Variants in PFKFB3 observed in about 807,000 individuals in gnomAD.
PFKFB3 encodes the protein 6-phosphofructo-2-kinase/fructose-2,6-bisphosphatase 3.
PFKFB3 carries 33 observed loss-of-function variants against 68.0 expected under a neutral mutation model. The observed-to-expected ratio is 0.49, with a 90% CI of 0.37 to 0.65. The LOEUF (loss-of-function observed/expected upper bound fraction) is 0.65, where lower values mean the gene tolerates loss of function less well. PFKFB3 is among the 30% of genes least tolerant of loss of function. The probability of loss-of-function intolerance (pLI) is 0.00; values close to 1 mark genes in which losing one functional copy is unlikely to be tolerated. For missense variants in PFKFB3, 586 were observed against 712.2 expected (o/e 0.82, Z 2.02); for synonymous variants, 315 against 288.2 (o/e 1.09, Z -0.94).
intron 10 of PFKFB3, 32 bp downstream of exon 10, chr10:6,221,777 C>T: frequency 1.4e-6 from 2 of 1,440,538 alleles, no homozygotes; most frequent in Non-Finnish European, 1.9e-6. Context: ...CTGACGGTCC[C>T]CAGCACACAT....
rs920183017 is a variant in PFKFB3 at position 6,203,120 on chromosome 10, C to G, written c.-141C>G. The G allele has an allele frequency of 6.7e-7, 1 of 1,481,552 alleles. No homozygotes were observed. Among genetic ancestry groups the G allele is most frequent in the Non-Finnish European group, 8.9e-7 (1 of 1,119,038 alleles). The allele number at this position is 1,481,552 out of a possible 1,614,324, so 91.8% of individuals were successfully genotyped here. On this transcript the variant is annotated 5_prime_UTR_variant, in exon 1 of 15. Coordinates refer to ENST00000379775, the MANE Select transcript of PFKFB3 (RefSeq NM_004566.4). ...CCGGAACTTAGCCCAAAGCACGTTT[C>G]CCCTGGCAGCGCAGGAAACGCCCGG... is the stretch of plus-strand genomic sequence containing the variant.
the PFKFB3 span, among the ~76,000 whole-genome samples, chr10:6,315,097 G>T: frequency 2.0e-5 from 3 of 152,168 alleles, no homozygotes; most frequent in Non-Finnish European, 2.9e-5. Context: ...CAGCCCACCT[G>T]CCCACCCCTA....
the PFKFB3 span, among the ~76,000 whole-genome samples, chr10:6,301,853 T>A: frequency 6.6e-6 from 1 of 152,220 alleles, no homozygotes; most frequent in Non-Finnish European, 1.5e-5. Flanking sequence ...ATTATTCCAG[T>A]GCAGAGAACT....
chr10:6,258,253 A>C (rs1846509966), downstream of PFKFB3, among the ~76,000 whole-genome samples: 2 of 152,200 alleles, frequency 1.3e-5, no homozygotes, highest in South Asian at 4.1e-4. Context: ...AACAGACCCA[A>C]CTCTTTATTG....
At chr10:6,152,900 C>T (rs1214225737) in intron 1 of PFKFB3, among the ~76,000 whole-genome samples, 1 of 151,906 alleles carries the variant, frequency 6.6e-6, no homozygotes, top group Non-Finnish European at 1.5e-5. Context: ...GAAGAAGAGG[C>T]TGGGCACGGT....
At chr10:6,292,317 C>G in the PFKFB3 span, among the ~76,000 whole-genome samples, 1 of 118,404 alleles carries the variant, frequency 8.4e-6, no homozygotes, top group Non-Finnish European at 1.7e-5. Flanking sequence ...CAGAGTCTCA[C>G]TCTGTCGCCC....
At position 6,154,400 on chromosome 10, in the gene PFKFB3, C is replaced by T. The variant is rs754541237; in HGVS notation, c.16+9387C>T. On this transcript the variant is annotated intron_variant, in intron 1 of 14. Coordinates refer to the PFKFB3 transcript ENST00000379789. This position sits in a 1 kb window ranked among gnomAD's most constrained non-coding sequence, Gnocchi z 4.6. Reference sequence around the variant, plus strand: ...AGCTGGGATTACAGGTGCATGCTACCGCGTCCAGCTAATTTTTTTGTATTT... The same window carrying T: ...AGCTGGGATTACAGGTGCATGCTACTGCGTCCAGCTAATTTTTTTGTATTT... Among the ~76,000 whole-genome samples the T allele has an allele frequency of 7.9e-5, 12 of 152,068 alleles. No individual in the cohort carries two copies. Among genetic ancestry groups the T allele is most frequent in the Non-Finnish European group, 1.5e-4 (10 of 68,004 alleles).
the PFKFB3 span, among the ~76,000 whole-genome samples, chr10:6,305,185 A>T: frequency 3.7e-3 from 372 of 99,388 alleles, no homozygotes; most frequent in Middle Eastern, 0.02. Context: ...AATATTAGGA[A>T]TTTTTTTTTT....
chr10:6,174,497 C>T (rs886364449), intron 1 of PFKFB3, among the ~76,000 whole-genome samples: 2 of 152,196 alleles, frequency 1.3e-5, no homozygotes, highest in African/African-American at 2.4e-5. Context: ...CCGGGCTGAC[C>T]TGGGCTTGGA....
rs1844543642 is a variant in PFKFB3, at chr10:6,215,891, TC to T, written c.300-231del. ...TTCTTAGCAGCTCCCCAGGAGTGGT[TC>T]CCGCGTGCAGCCCGGTTTGAGCACC... On this transcript the variant is annotated intron_variant, in intron 3 of 14. Coordinates refer to ENST00000379775, the MANE Select transcript of PFKFB3 (RefSeq NM_004566.4). The surrounding 1 kb of genome is among the most constrained non-coding windows in gnomAD (Gnocchi z 4.3). 6.6e-6 allele frequency among the ~76,000 whole-genome samples: 1 copy of T among 152,112 alleles called. No individual in the cohort carries two copies. Among genetic ancestry groups the T allele is most frequent in the African/African-American group, 2.4e-5 (1 of 41,436 alleles).
chr10:6,240,028 G>A (rs1201900878), downstream of PFKFB3, among the ~76,000 whole-genome samples: 3 of 152,086 alleles, frequency 2.0e-5, no homozygotes, highest in Non-Finnish European at 4.4e-5. Context: ...GAATGTTTTC[G>A]GATCCCCAAC....
intron 1 of PFKFB3, among the ~76,000 whole-genome samples, chr10:6,208,380 T>TTTTTTTTC (rs1843937705): frequency 7.2e-6 from 1 of 139,822 alleles, no homozygotes; most frequent in African/African-American, 3.0e-5. Flanking sequence ...CCTTTTTTTT[T>TTTTTTTTC]TTTTTTTTTT....
chr10:6,186,856 A>G (rs990589519), intron 1 of PFKFB3, among the ~76,000 whole-genome samples: 2 of 152,098 alleles, frequency 1.3e-5, no homozygotes, highest in Non-Finnish European at 2.9e-5. Context: ...TTGAAAAAGT[A>G]TGTTATAGGA....
chr10:6,201,734 C>T (rs1843366629), upstream of PFKFB3, among the ~76,000 whole-genome samples: 1 of 152,152 alleles, frequency 6.6e-6, no homozygotes, highest in Non-Finnish European at 1.5e-5. The surrounding 1 kb of genome is among the most constrained non-coding windows in gnomAD (Gnocchi z 4.1). Flanking sequence ...ACAGCCCAGC[C>T]TCAGCGCTAA....
the PFKFB3 span, among the ~76,000 whole-genome samples, chr10:6,278,499 ACTC>A: frequency 7.1e-6 from 1 of 140,684 alleles, no homozygotes; most frequent in East Asian, 2.2e-4. Context: ...CTGGTCTTGA[ACTC>A]CTGACCTCAT....
chr10:6,187,949 T>TTCTA (rs36144362), intron 1 of PFKFB3, among the ~76,000 whole-genome samples: 23,560 of 149,536 alleles, frequency 0.16, 1,913 homozygotes, highest in Middle Eastern at 0.25. Context: ...CCCTCTCCAT[T>TTCTA]TCTATCTATC....
intron 14 of PFKFB3, among the ~76,000 whole-genome samples, chr10:6,247,744 G>A (rs2132078986): frequency 6.6e-6 from 1 of 152,212 alleles, no homozygotes; most frequent in East Asian, 1.9e-4. Context: ...TCTTGACAGG[G>A]GTGTCTCATA....
intron 11 of PFKFB3, among the ~76,000 whole-genome samples, chr10:6,223,620 A>C (rs79801082): frequency 9.2e-5 from 14 of 152,170 alleles, no homozygotes; most frequent in African/African-American, 3.4e-4. Context: ...CCCCACCCTC[A>C]TGTCTCATTT....
rs756837478 is a variant in PFKFB3, at chr10:6,223,966, C to A, written c.1222C>A (p.Pro408Thr). Residue 408 changes from proline (P) to threonine (T), a missense_variant, in exon 12 of 15, where the codon CCC becomes ACC. Physicochemically the swap from Pro to Thr is conservative, Grantham distance 38. Transcript: ENST00000379775. Reference protein sequence around the residue: ...YFLDKSAEEMPYLKCPLHTVL... With the variant: ...YFLDKSAEEMTYLKCPLHTVL... ...TACAATTTCAATTTCAGAGGAGATG[C>A]CCTACCTGAAATGCCCTCTTCACAC... is the stretch of plus-strand genomic sequence containing the variant. 20 of 1,613,696 alleles carry A rather than the reference C, an allele frequency of 1.2e-5. No individual in the cohort carries two copies. The African/African-American group carries it at 2.0e-4, about 16-fold the overall frequency.
Sources: allele counts gnomAD v4.1 joint callset (sites outside exome capture counted in the v4.1 genomes callset), GRCh38; gene constraint gnomAD v4.1.1; non-coding constraint Gnocchi (gnomAD v3.1); transcripts MANE v1.5; gene names NCBI Gene and HGNC (gene_info 2026-07-23, HGNC 2026-07-21).